The following DAP3 variants were observed in gnomAD, a reference collection of about 807,000 sequenced individuals.
The protein encoded by DAP3 is death associated protein 3.
Under a neutral mutation model 51.9 loss-of-function variants are expected in DAP3, and 28 were observed. The observed-to-expected ratio is 0.54, with a 90% CI of 0.40 to 0.74. The LOEUF is 0.74. Among genes scored for constraint, DAP3 ranks in the 30% least tolerant of loss-of-function variants. The probability of loss-of-function intolerance (pLI) is 0.00; values close to 1 mark genes in which losing one functional copy is unlikely to be tolerated. For missense variants in DAP3, 458 were observed against 483.5 expected (o/e 0.95, Z 0.49); for synonymous variants, 170 against 170.3 (o/e 1.00, Z 0.01).
rs1660022885 is a variant in DAP3 at position 155,738,420 on chromosome 1, C to A, written c.*178C>A. 5 of 517,726 alleles carry A rather than the reference C, an allele frequency of 9.7e-6. No individual in the cohort carries two copies. In the Admixed American group the frequency reaches 1.7e-4, roughly 18 times the overall value. The allele number at this position is 517,726 out of a possible 1,614,324, so 32.1% of individuals were successfully genotyped here. A position where few individuals can be genotyped will look rare whatever the true frequency, so the allele number is the denominator to read the frequency against. On this transcript the variant is annotated 3_prime_UTR_variant, in exon 13 of 13. Coordinates refer to ENST00000368336, the MANE Select transcript of DAP3 (RefSeq NM_004632.4). ...AATGGGTTTCACTGTGAATGCGTGA[C>A]AATAAGATATTCCCTTGTTCCTAAA...
At chr1:155,730,616 A>G (rs921466972) in intron 9 of DAP3, among the ~76,000 whole-genome samples, 1 of 152,158 alleles carries the variant, frequency 6.6e-6, no homozygotes, top group African/African-American at 2.4e-5. Flanking sequence ...ACTCTGTCTC[A>G]AAAAAATAAA....
intron 1 of DAP3, among the ~76,000 whole-genome samples, chr1:155,697,107 G>T (rs898597782): frequency 1.3e-4 from 20 of 152,172 alleles, no homozygotes; most frequent in African/African-American, 4.6e-4. Context: ...ACTATTTCAT[G>T]GAACGCCCCC....
At chr1:155,731,817 A>C in intron 10 of DAP3, 127 bp from the exon 11 acceptor site, 1 of 872,676 alleles carries the variant, frequency 1.1e-6, no homozygotes, top group South Asian at 2.1e-5. Flanking sequence ...GTTGCCATTT[A>C]ACTGTGCTAG....
chr1:155,705,435 A>C (rs1558344349), intron 1 of DAP3, among the ~76,000 whole-genome samples: 1 of 146,454 alleles, frequency 6.8e-6, no homozygotes, highest in African/African-American at 2.5e-5. Context: ...ATGTCTACCC[A>C]AAAAAAAAAA....
At chr1:155,721,655 G>T in intron 4 of DAP3, 37 bp downstream of exon 4, 1 of 1,599,932 alleles carries the variant, frequency 6.3e-7, no homozygotes. Flanking sequence ...AGGGAGCCCA[G>T]AATACAAGCT....
intron 11 of DAP3, 144 bp from the exon 12 acceptor site, chr1:155,736,802 A>G: frequency 1.4e-6 from 1 of 740,454 alleles, no homozygotes; most frequent in Non-Finnish European, 2.4e-6. Flanking sequence ...GGAGTCCTGT[A>G]TCAGGCAATG....
chr1:155,697,523 G>A (rs765599716), intron 1 of DAP3, among the ~76,000 whole-genome samples: 1 of 152,126 alleles, frequency 6.6e-6, no homozygotes, highest in Admixed American at 6.5e-5. Context: ...GTTCCATGAT[G>A]CCCCTGAGCC....
upstream of DAP3, chr1:155,688,662 C>A: frequency 2.0e-6 from 3 of 1,533,482 alleles, no homozygotes; most frequent in Non-Finnish European, 2.6e-6. Flanking sequence ...CGCGTACCTT[C>A]AGCGGCGCGA....
chr1:155,688,045 A>T (rs1329583235), upstream of DAP3: 1 of 1,550,828 alleles, frequency 6.4e-7, no homozygotes, highest in East Asian at 2.3e-5. Context: ...TTAGGCCCGA[A>T]TGCCGGCCCA....
chr1:155,703,583 A>T (rs150822496), intron 1 of DAP3, among the ~76,000 whole-genome samples: 29 of 152,232 alleles, frequency 1.9e-4, no homozygotes, highest in African/African-American at 6.3e-4. Flanking sequence ...TGTCGCCCAG[A>T]CTGGAGTGCA....
intron 1 of DAP3, among the ~76,000 whole-genome samples, chr1:155,704,469 G>C (rs1368732954): frequency 6.6e-6 from 1 of 152,144 alleles, no homozygotes; most frequent in Non-Finnish European, 1.5e-5. Flanking sequence ...GGGGAGCATT[G>C]AGAAGATCTG....
intron 1 of DAP3, among the ~76,000 whole-genome samples, chr1:155,696,411 G>A (rs2149111882): frequency 6.6e-6 from 1 of 152,178 alleles, no homozygotes; most frequent in African/African-American, 2.4e-5. Flanking sequence ...AAATTCCTAA[G>A]GTGGGCTGAA....
intron 1 of DAP3, among the ~76,000 whole-genome samples, chr1:155,694,697 A>T (rs1414511161): frequency 6.6e-6 from 1 of 152,202 alleles, no homozygotes; most frequent in African/African-American, 2.4e-5. Flanking sequence ...GTAGAATTTA[A>T]GATGTCTTGT....
intron 2 of DAP3, among the ~76,000 whole-genome samples, chr1:155,714,551 G>A (rs1333978163): frequency 6.6e-6 from 1 of 152,072 alleles, no homozygotes; most frequent in Admixed American, 6.5e-5. Context: ...GATCACCTGA[G>A]GTCAGGAGTT....
chr1:155,734,429 G>A (rs1415010732), intron 11 of DAP3, among the ~76,000 whole-genome samples: 3 of 151,796 alleles, frequency 2.0e-5, no homozygotes, highest in Admixed American at 6.6e-5. Context: ...CTCCCACCTC[G>A]GCCTCCTAAA....
At chr1:155,709,688 T>A (rs1656451438) in intron 1 of DAP3, 85 bp from the exon 2 acceptor site, 1 of 1,137,384 alleles carries the variant, frequency 8.8e-7, no homozygotes, top group Admixed American at 2.0e-5. Context: ...TATTAATCCC[T>A]ATTAATCTAT....
intron 1 of DAP3, among the ~76,000 whole-genome samples, chr1:155,705,850 A>C (rs1225602195): frequency 6.6e-6 from 1 of 151,968 alleles, no homozygotes; most frequent in Non-Finnish European, 1.5e-5. Flanking sequence ...ACAGACATGC[A>C]CCACCATGCC....
At chr1:155,700,598 C>G (rs74185061) in intron 1 of DAP3, among the ~76,000 whole-genome samples, 9 of 144,130 alleles carry the variant, frequency 6.2e-5, no homozygotes, top group African/African-American at 1.0e-4. Context: ...GGCCAGCCGC[C>G]CCGTCCGGGA....
At chr1:155,731,181 C>T (rs1056206414) in intron 9 of DAP3, among the ~76,000 whole-genome samples, 175 bp from the exon 10 acceptor site, 1 of 151,674 alleles carries the variant, frequency 6.6e-6, no homozygotes, top group Non-Finnish European at 1.5e-5. Context: ...GCAGGAGAAT[C>T]GCTTGAACCC....
Sources: allele counts gnomAD v4.1 joint callset (sites outside exome capture counted in the v4.1 genomes callset), GRCh38; gene constraint gnomAD v4.1.1; transcripts MANE v1.5; gene names NCBI Gene and HGNC (gene_info 2026-07-23, HGNC 2026-07-21).